Variants in HCN1 observed in about 807,000 individuals in gnomAD.
HCN1 encodes hyperpolarization activated cyclic nucleotide gated potassium channel 1, also known as potassium/sodium hyperpolarization-activated cyclic nucleotide-gated channel 1.
Under a neutral mutation model 78.9 loss-of-function variants are expected in HCN1, and 13 were observed. The ratio of observed to expected loss-of-function variants is 0.16; its 90% CI spans 0.11 to 0.26. The LOEUF (loss-of-function observed/expected upper bound fraction) is 0.26. Among genes scored for constraint, HCN1 ranks in the 10% least tolerant of loss-of-function variants. The pLI is 1.00. For missense variants in HCN1, 810 were observed against 1,154.3 expected, an observed-to-expected ratio of 0.70 and a Z score of 4.32; for synonymous variants, 552 against 455.5, an observed-to-expected ratio of 1.21 and a Z score of -2.70.
At chr5:45,601,033 G>A (rs1170753415) in intron 2 of HCN1, among the ~76,000 whole-genome samples, 1 of 152,074 alleles carries the variant, frequency 6.6e-6, no homozygotes, top group Non-Finnish European at 1.5e-5. Context: ...AAGTTTGGAA[G>A]AATATATATT....
At chr5:45,594,997 G>C (rs1312725377) in intron 2 of HCN1, among the ~76,000 whole-genome samples, 1 of 152,064 alleles carries the variant, frequency 6.6e-6, no homozygotes, top group Non-Finnish European at 1.5e-5. Flanking sequence ...AAATACTTGT[G>C]GGAACCTCTG....
intron 3 of HCN1, among the ~76,000 whole-genome samples, chr5:45,406,307 G>C (rs1269781623): frequency 3.3e-5 from 5 of 152,148 alleles, no homozygotes; most frequent in African/African-American, 4.8e-5. Flanking sequence ...ATAAGTATTA[G>C]TGAATATATT....
At chr5:45,647,204 T>C (rs541472439) in intron 1 of HCN1, among the ~76,000 whole-genome samples, 1 of 152,284 alleles carries the variant, frequency 6.6e-6, no homozygotes, top group Admixed American at 6.5e-5. Flanking sequence ...ACTGTACAAA[T>C]ACCCATGTCA....
intron 4 of HCN1, among the ~76,000 whole-genome samples, chr5:45,374,649 G>C (rs554983705): frequency 1.5e-4 from 22 of 150,418 alleles, no homozygotes; most frequent in Admixed American, 4.1e-4. Flanking sequence ...CATTCTATGA[G>C]GCCAGCATCA....
chr5:45,590,483 A>G (rs1464772485), intron 2 of HCN1, among the ~76,000 whole-genome samples: 1 of 152,174 alleles, frequency 6.6e-6, no homozygotes, highest in African/African-American at 2.4e-5. Flanking sequence ...ACAGTTGATG[A>G]ATCTACATTG....
Position 45,695,683 on chromosome 5 carries a change from A to T in HCN1, c.411T>A (p.Pro137=), listed in dbSNP as rs1739995033. The T allele has an allele frequency of 6.2e-7, 1 of 1,612,166 alleles. No homozygotes were observed. Among genetic ancestry groups the T allele is most frequent in the African/African-American group, 1.3e-5 (1 of 74,878 alleles). ...VKTAGFWIIH[P]YSDFRFYWDL... ...GGAGCCCTCACCTGAAATCACTGTA[A>T]GGGTGGATAATCCAGAAGCCTGCAG... The change falls in exon 1 of 8, where the codon CCT becomes CCA. Residue 137 remains proline (P), a synonymous_variant. Transcript: ENST00000303230.
intron 4 of HCN1, among the ~76,000 whole-genome samples, chr5:45,371,558 A>G (rs1347650771): frequency 6.6e-6 from 1 of 151,672 alleles, no homozygotes; most frequent in African/African-American, 2.4e-5. Context: ...GGAGTTTGAG[A>G]CCATCCTGGA....
At chr5:45,374,878 G>GTA (rs954228938) in intron 4 of HCN1, among the ~76,000 whole-genome samples, 5 of 143,782 alleles carry the variant, frequency 3.5e-5, no homozygotes, top group African/African-American at 5.1e-5. Flanking sequence ...TGGTTCATGG[G>GTA]TATATATATA....
chr5:45,375,337 C>CA (rs1747599467), intron 4 of HCN1, among the ~76,000 whole-genome samples: 2 of 118,108 alleles, frequency 1.7e-5, no homozygotes, highest in South Asian at 5.0e-4. Context: ...TTATGATATA[C>CA]AATATATATA....
At chr5:45,652,264 T>C (rs1403154633) in intron 1 of HCN1, among the ~76,000 whole-genome samples, 1 of 151,978 alleles carries the variant, frequency 6.6e-6, no homozygotes, top group Admixed American at 6.6e-5. Context: ...CTTCACATAC[T>C]CTTGTTTGTG....
At chr5:45,332,372 G>A (rs1031164666) in intron 5 of HCN1, among the ~76,000 whole-genome samples, 5 of 150,582 alleles carry the variant, frequency 3.3e-5, no homozygotes, top group African/African-American at 1.2e-4. Context: ...TTAAATGTAC[G>A]GTGAAGTTAT....
At chr5:45,431,726 C>A (rs529266124) in intron 3 of HCN1, among the ~76,000 whole-genome samples, 2 of 152,142 alleles carry the variant, frequency 1.3e-5, no homozygotes, top group African/African-American at 4.8e-5. Flanking sequence ...TCAACTTTGT[C>A]AAAGATAAGA....
At chr5:45,522,636 C>G (rs1456006395) in intron 2 of HCN1, among the ~76,000 whole-genome samples, 1 of 144,022 alleles carries the variant, frequency 6.9e-6, no homozygotes, top group Admixed American at 7.0e-5. Context: ...GTTTTGCAAT[C>G]TGAAAAATAG....
chr5:45,495,708 GC>G (rs930046505), intron 2 of HCN1, among the ~76,000 whole-genome samples: 1 of 152,076 alleles, frequency 6.6e-6, no homozygotes, highest in African/African-American at 2.4e-5. Context: ...TCCAGTTTTT[GC>G]CCATTCACTA....
chr5:45,339,543 G>A (rs1746532194), intron 5 of HCN1, among the ~76,000 whole-genome samples: 1 of 152,156 alleles, frequency 6.6e-6, no homozygotes, highest in Admixed American at 6.6e-5. Flanking sequence ...GTCATATGAA[G>A]GAGTTTGGGT....
chr5:45,453,866 T>C (rs1165532139), intron 3 of HCN1, among the ~76,000 whole-genome samples: 1 of 152,164 alleles, frequency 6.6e-6, no homozygotes, highest in Non-Finnish European at 1.5e-5. Flanking sequence ...GTCTAGCAAA[T>C]TAATCATTTT....
intron 6 of HCN1, among the ~76,000 whole-genome samples, chr5:45,296,792 A>ATTCTCTTTT (rs1745502390): frequency 6.6e-6 from 1 of 152,030 alleles, no homozygotes; most frequent in Admixed American, 6.6e-5. Context: ...GGGACCCTAA[A>ATTCTCTTTT]AGAGAATGAT....
intron 4 of HCN1, among the ~76,000 whole-genome samples, chr5:45,388,150 T>G (rs558376857): frequency 2.0e-5 from 3 of 152,186 alleles, no homozygotes; most frequent in Non-Finnish European, 4.4e-5. Flanking sequence ...ATTCAAAATA[T>G]ATGAACTTCC....
At chr5:45,569,230 T>C (rs1366029879) in intron 2 of HCN1, among the ~76,000 whole-genome samples, 1 of 152,186 alleles carries the variant, frequency 6.6e-6, no homozygotes, top group Admixed American at 6.6e-5. Context: ...TGGTTCTTCA[T>C]TTCTGTAGGT....
Sources: gnomAD v4.1 joint callset for allele counts (sites outside exome capture counted in the v4.1 genomes callset) on GRCh38, gnomAD v4.1.1 for gene constraint, MANE v1.5 for transcripts, NCBI Gene and HGNC (gene_info 2026-07-23, HGNC 2026-07-21) for gene names.